Variants in SERGEF observed in about 807,000 individuals in gnomAD.
SERGEF encodes secretion-regulating guanine nucleotide exchange factor.
In SERGEF, 51 loss-of-function variants were observed where a neutral mutation model predicts 50.0. The observed-to-expected ratio is 1.02, with a 90% CI of 0.81 to 1.29. The LOEUF is 1.29. SERGEF is among the 50% of genes most tolerant of loss of function. The pLI, the probability that SERGEF is intolerant of heterozygous loss-of-function variation, is 0.00. For synonymous variants in SERGEF, 205 were observed against 212.4 expected (o/e 0.97, Z 0.30); for missense variants, 521 against 557.0 (o/e 0.94, Z 0.65).
intron 8 of SERGEF, among the ~76,000 whole-genome samples, chr11:17,967,183 G>T (rs1853141998): frequency 6.6e-6 from 1 of 152,136 alleles, no homozygotes; most frequent in Non-Finnish European, 1.5e-5. Context: ...TATGTCTCTG[G>T]CTCAGAGCCA....
At chr11:17,793,369 C>G (rs1423719663) in intron 10 of SERGEF, among the ~76,000 whole-genome samples, 1 of 151,268 alleles carries the variant, frequency 6.6e-6, no homozygotes. Context: ...ATCCCCTTAA[C>G]AGAAGGACTT....
At chr11:17,966,294 T>C (rs576600216) in intron 8 of SERGEF, among the ~76,000 whole-genome samples, 7 of 152,278 alleles carry the variant, frequency 4.6e-5, no homozygotes, top group African/African-American at 1.7e-4. Context: ...CAAGATTCAG[T>C]TGGAAAAGAG....
chr11:17,897,026 G>A (rs1416875786), intron 9 of SERGEF, among the ~76,000 whole-genome samples: 6 of 152,168 alleles, frequency 3.9e-5, no homozygotes, highest in Non-Finnish European at 7.4e-5. Flanking sequence ...CTGTCTCCAG[G>A]TGGGCCTAAT....
chr11:17,839,206 T>C, intron 10 of SERGEF, among the ~76,000 whole-genome samples: 1 of 152,130 alleles, frequency 6.6e-6, no homozygotes, highest in Non-Finnish European at 1.5e-5. Context: ...GTGTCAAGGA[T>C]TTTGCAGGCA....
At chr11:17,843,277 G>A (rs146899190) in intron 10 of SERGEF, among the ~76,000 whole-genome samples, 32 of 152,204 alleles carry the variant, frequency 2.1e-4, no homozygotes, top group African/African-American at 7.7e-4. Flanking sequence ...CTATTCTTCT[G>A]AGTCTTCCTC....
intron 9 of SERGEF, among the ~76,000 whole-genome samples, chr11:17,922,831 C>T (rs182029370): frequency 2.8e-4 from 42 of 152,304 alleles, no homozygotes; most frequent in African/African-American, 9.9e-4. Flanking sequence ...GAGCTATTTA[C>T]ATTTTGTTCT....
intron 1 of SERGEF, chr11:18,010,024 G>T: frequency 1.2e-6 from 1 of 818,464 alleles, no homozygotes; most frequent in Non-Finnish European, 1.7e-6. Context: ...GACCTGCAGA[G>T]AGAATCTTAC....
At chr11:17,905,989 C>T (rs1179316874) in intron 9 of SERGEF, among the ~76,000 whole-genome samples, 1 of 152,150 alleles carries the variant, frequency 6.6e-6, no homozygotes, top group Admixed American at 6.5e-5. Flanking sequence ...CTAGCATCTT[C>T]CCTTCATTTC....
At position 17,999,798 on chromosome 11, in the gene SERGEF, C is replaced by G. The variant is rs114105277; in HGVS notation, c.508+699G>C. On this transcript the variant is annotated intron_variant, in intron 5 of 10. Transcript: ENST00000265965. ...CTGCAAAAAATATGAGCCTTAGGAT[C>G]CAAACCATCCCAGGCTCTGATCCAA... Among the ~76,000 whole-genome samples the G allele has an allele frequency of 1.8e-3, 267 of 152,316 alleles. 1 individual carries two copies. Among genetic ancestry groups the G allele is most frequent in the African/African-American group, 5.7e-3 (238 of 41,568 alleles).
intron 10 of SERGEF, among the ~76,000 whole-genome samples, chr11:17,849,304 T>C (rs1327930231): frequency 1.3e-5 from 2 of 152,254 alleles, no homozygotes; most frequent in African/African-American, 4.8e-5. Context: ...TCTATGCATA[T>C]TTTTAAAATC....
chr11:17,909,872 G>A (rs957193994), intron 9 of SERGEF, among the ~76,000 whole-genome samples: 2 of 152,212 alleles, frequency 1.3e-5, no homozygotes, highest in Admixed American at 6.5e-5. Flanking sequence ...CAGCTGGAAA[G>A]CAGAGGACCA....
At chr11:17,931,793 T>C (rs750381447) in intron 9 of SERGEF, among the ~76,000 whole-genome samples, 5 of 152,140 alleles carry the variant, frequency 3.3e-5, no homozygotes, top group Non-Finnish European at 7.4e-5. Context: ...TGGGAACTTG[T>C]TAGAAACCAA....
chr11:17,907,042 A>T (rs954593482), intron 9 of SERGEF, among the ~76,000 whole-genome samples: 1 of 151,858 alleles, frequency 6.6e-6, no homozygotes, highest in African/African-American at 2.4e-5. Flanking sequence ...CGCCCAGTCC[A>T]TGACCCTCGG....
chr11:17,911,930 T>C (rs1000087498), intron 9 of SERGEF, among the ~76,000 whole-genome samples: 2 of 152,122 alleles, frequency 1.3e-5, no homozygotes, highest in African/African-American at 2.4e-5. Context: ...GGGTAGTAGT[T>C]TGGAGTTTAA....
chr11:17,960,851 C>A (rs928962579), intron 8 of SERGEF, among the ~76,000 whole-genome samples: 1 of 152,180 alleles, frequency 6.6e-6, no homozygotes, highest in African/African-American at 2.4e-5. Flanking sequence ...ACAAAGTCTG[C>A]GTAGCTCACA....
chr11:17,839,057 G>A lies in SERGEF; in HGVS notation c.1048+39151C>T, dbSNP rs367555147. On this transcript the variant is annotated intron_variant, in intron 10 of 10. Transcript: ENST00000265965. ...GGAGGCTAGGCAGATAAAATAACTG[G>A]TAAATACAGAGCTTTATTGTGTACA... 2.0e-5 allele frequency among the ~76,000 whole-genome samples: 3 copies of A among 152,200 alleles called. No individual in the cohort carries two copies. In the South Asian group the frequency reaches 6.2e-4, roughly 32 times the overall value.
At chr11:17,954,663 TTCCTGC>T (rs1852830585) in intron 9 of SERGEF, among the ~76,000 whole-genome samples, 1 of 152,230 alleles carries the variant, frequency 6.6e-6, no homozygotes, top group Non-Finnish European at 1.5e-5. Context: ...ATTTCCACAT[TTCCTGC>T]TCCTGCTCCA....
intron 9 of SERGEF, among the ~76,000 whole-genome samples, chr11:17,916,545 T>C (rs1283677614): frequency 2.0e-5 from 3 of 152,172 alleles, no homozygotes; most frequent in African/African-American, 7.2e-5. Flanking sequence ...GCACACCAGG[T>C]GATTCTTATG....
chr11:17,919,604 T>C (rs1449527984), intron 9 of SERGEF, among the ~76,000 whole-genome samples: 1 of 152,126 alleles, frequency 6.6e-6, no homozygotes, highest in Non-Finnish European at 1.5e-5. Flanking sequence ...ATATCACTTA[T>C]TAAATCCTTA....
Sources: gnomAD v4.1 joint callset for allele counts (sites outside exome capture counted in the v4.1 genomes callset) on GRCh38, gnomAD v4.1.1 for gene constraint, MANE v1.5 for transcripts, NCBI Gene and HGNC (gene_info 2026-07-23, HGNC 2026-07-21) for gene names.